ST6GALNAC5: variants seen among roughly 807,000 people sequenced by gnomAD.
ST6GALNAC5 encodes the protein alpha-N-acetylgalactosaminide alpha-2,6-sialyltransferase 5.
In ST6GALNAC5, 27 loss-of-function variants were observed where a neutral mutation model predicts 33.6. The ratio of observed to expected loss-of-function variants is 0.80; its 90% CI spans 0.59 to 1.11. The LOEUF is 1.11. Among genes scored for constraint, ST6GALNAC5 ranks in the 50% least tolerant of loss-of-function variants. The pLI is 0.00. For synonymous variants in ST6GALNAC5, 194 were observed against 171.2 expected, an observed-to-expected ratio of 1.13 and a Z score of -1.04; for missense variants, 428 against 454.0, an observed-to-expected ratio of 0.94 and a Z score of 0.52.
At chr1:77,051,800 A>C (rs1652227904) in intron 4 of ST6GALNAC5, among the ~76,000 whole-genome samples, 1 of 152,168 alleles carries the variant, frequency 6.6e-6, no homozygotes, top group African/African-American at 2.4e-5. Flanking sequence ...TGAGAATGGC[A>C]CTTATGGGCA....
At chr1:76,962,950 T>C (rs1466109082) in intron 2 of ST6GALNAC5, among the ~76,000 whole-genome samples, 1 of 152,126 alleles carries the variant, frequency 6.6e-6, no homozygotes, top group Non-Finnish European at 1.5e-5. Flanking sequence ...TTTTATAGAG[T>C]TGTTATATTA....
intron 2 of ST6GALNAC5, among the ~76,000 whole-genome samples, chr1:76,889,633 CT>C (rs1653971676): frequency 6.6e-6 from 1 of 152,008 alleles, no homozygotes; most frequent in African/African-American, 2.4e-5. Flanking sequence ...ACTGTTGTTT[CT>C]TTAAGTAAGT....
intron 2 of ST6GALNAC5, among the ~76,000 whole-genome samples, chr1:76,934,484 A>G (rs906267690): frequency 2.0e-5 from 3 of 152,044 alleles, no homozygotes; most frequent in African/African-American, 4.8e-5. Context: ...AATTACTATA[A>G]TAATATTATC....
At chr1:77,004,004 T>C (rs10430044) in intron 2 of ST6GALNAC5, among the ~76,000 whole-genome samples, 43,732 of 67,236 alleles carry the variant, frequency 0.65, 14,820 homozygotes, top group East Asian at 0.87. Context: ...ATCTTTGTGG[T>C]GTTCTCTGTA....
At chr1:77,033,664 G>A (rs1439519905) in intron 2 of ST6GALNAC5, among the ~76,000 whole-genome samples, 1 of 152,108 alleles carries the variant, frequency 6.6e-6, no homozygotes, top group Non-Finnish European at 1.5e-5. Flanking sequence ...TGGAGGAGGT[G>A]ACATTTAAGC....
At chr1:77,013,436 G>A (rs1484047659) in intron 2 of ST6GALNAC5, among the ~76,000 whole-genome samples, 1 of 152,178 alleles carries the variant, frequency 6.6e-6, no homozygotes, top group Non-Finnish European at 1.5e-5. Context: ...TGGCCAGGAG[G>A]TTGTTGTTTG....
At chr1:76,952,275 A>C (rs1403798111) in intron 2 of ST6GALNAC5, among the ~76,000 whole-genome samples, 2 of 152,170 alleles carry the variant, frequency 1.3e-5, no homozygotes, top group Admixed American at 1.3e-4. Context: ...GCCTTATATA[A>C]CATTTTCACT....
At chr1:76,892,843 G>A (rs1350538382) in intron 2 of ST6GALNAC5, among the ~76,000 whole-genome samples, 1 of 152,172 alleles carries the variant, frequency 6.6e-6, no homozygotes, top group East Asian at 1.9e-4. Flanking sequence ...ACCTCAGCCT[G>A]TCCAATTGTG....
In ST6GALNAC5 at chr1:76,985,936, G is replaced by A. The variant is rs2100388874; in HGVS notation, c.262-58268G>A. ...ATTCCCTATTTAATAAATGGTGTTG[G>A]GAAAACTGGCTAGCCATATGTAGAA... On this transcript the variant is annotated intron_variant, in intron 2 of 4. Coordinates refer to ENST00000477717, the MANE Select transcript of ST6GALNAC5 (RefSeq NM_030965.3). Among the ~76,000 whole-genome samples the A allele has an allele frequency of 1.3e-5, 2 of 152,272 alleles. 1 individual carries two copies. Among genetic ancestry groups the A allele is most frequent in the East Asian group, 3.9e-4 (2 of 5,184 alleles).
At chr1:77,030,339 A>T (rs1651406781) in intron 2 of ST6GALNAC5, among the ~76,000 whole-genome samples, 1 of 152,218 alleles carries the variant, frequency 6.6e-6, no homozygotes, top group Non-Finnish European at 1.5e-5. Context: ...GACCTTGAGC[A>T]ATTTAACCCC....
chr1:76,937,262 A>T (rs1213045248), intron 2 of ST6GALNAC5, among the ~76,000 whole-genome samples: 2 of 152,108 alleles, frequency 1.3e-5, no homozygotes, highest in East Asian at 3.9e-4. Context: ...TTGATGTTTG[A>T]ACATACATCT....
chr1:76,928,678 C>T (rs1176675931), intron 2 of ST6GALNAC5, among the ~76,000 whole-genome samples: 1 of 152,114 alleles, frequency 6.6e-6, no homozygotes, highest in Non-Finnish European at 1.5e-5. Context: ...CATGTCTACT[C>T]CTGCCTAGCC....
chr1:76,922,722 G>A (rs1273364902), intron 2 of ST6GALNAC5, among the ~76,000 whole-genome samples: 1 of 151,936 alleles, frequency 6.6e-6, no homozygotes, highest in Admixed American at 6.6e-5. Context: ...CAAAAGCTTT[G>A]CATAAGAAAC....
At chr1:76,951,964 C>T (rs2100338816) in intron 2 of ST6GALNAC5, among the ~76,000 whole-genome samples, 1 of 152,168 alleles carries the variant, frequency 6.6e-6, no homozygotes, top group South Asian at 2.1e-4. Context: ...TCATTTGCTC[C>T]TCCATAATAT....
intron 2 of ST6GALNAC5, among the ~76,000 whole-genome samples, chr1:76,970,485 G>A (rs1276274971): frequency 6.6e-6 from 1 of 151,914 alleles, no homozygotes. Flanking sequence ...ATGAAATAAA[G>A]CGAGAAGAGA....
At chr1:77,057,562 G>C (rs938974057) in intron 4 of ST6GALNAC5, among the ~76,000 whole-genome samples, 2 of 152,302 alleles carry the variant, frequency 1.3e-5, no homozygotes, top group Non-Finnish European at 1.5e-5. Flanking sequence ...AGGTAGCAAG[G>C]TATGTTTGTT....
intron 2 of ST6GALNAC5, among the ~76,000 whole-genome samples, chr1:76,916,364 C>T (rs543702857): frequency 1.3e-5 from 2 of 152,210 alleles, no homozygotes; most frequent in South Asian, 2.1e-4. Context: ...CTTGTTTTCT[C>T]TTTAATTCTC....
chr1:76,946,782 T>C (rs1371111817), intron 2 of ST6GALNAC5, among the ~76,000 whole-genome samples: 1 of 152,170 alleles, frequency 6.6e-6, no homozygotes, highest in East Asian at 1.9e-4. Flanking sequence ...ATTCTGTGAA[T>C]ATAAGGATAA....
rs183017506 is a variant in ST6GALNAC5 at position 77,066,826 on chromosome 1, C to T, written c.*3620C>T. 3.3e-5 allele frequency among the ~76,000 whole-genome samples: 5 copies of T among 152,318 alleles called. No individual in the cohort carries two copies. The highest frequency in any genetic ancestry group is 1.2e-4 in the African/African-American group (5 of 41,568). On this transcript the variant is annotated 3_prime_UTR_variant, in exon 5 of 5. Transcript: ENST00000477717. ...TTTACTGTCATTTTCTCCCAATTGTCTTCTTTTGTCTACAGTGTGCTCCTA... is the reference window on the plus strand; with the variant it reads ...TTTACTGTCATTTTCTCCCAATTGTTTTCTTTTGTCTACAGTGTGCTCCTA...
Sources: gnomAD v4.1 joint callset for allele counts (sites outside exome capture counted in the v4.1 genomes callset) on GRCh38, gnomAD v4.1.1 for gene constraint, MANE v1.5 for transcripts, NCBI Gene and HGNC (gene_info 2026-07-23, HGNC 2026-07-21) for gene names.